CBR4: variants seen among roughly 807,000 people sequenced by gnomAD.
The protein encoded by CBR4 is carbonyl reductase 4, also known as 3-oxoacyl-[acyl-carrier-protein] reductase.
In CBR4, 22 loss-of-function variants were observed where a neutral mutation model predicts 21.0. The ratio of observed to expected loss-of-function variants is 1.05; its 90% CI spans 0.75 to 1.50. The LOEUF (loss-of-function observed/expected upper bound fraction) is 1.50, where lower values mean the gene tolerates loss of function less well. CBR4 is among the 40% of genes most tolerant of loss of function. CBR4 has a pLI of 0.00. For missense variants in CBR4, 302 were observed against 286.3 expected (o/e 1.05, Z -0.40); for synonymous variants, 100 against 104.4 (o/e 0.96, Z 0.26).
In CBR4 at chr4:168,926,475, T is replaced by C. The variant is rs574708074; in HGVS notation, n.170-31710A>G. 2.5e-5 allele frequency: 21 copies of C among 827,472 alleles called. No homozygotes were observed. The South Asian group carries it at 4.1e-4, about 16-fold the overall frequency. 51.3% of individuals were successfully genotyped at this position (827,472 alleles called of 1,614,324 possible). On this transcript the variant is annotated intron_variant and non_coding_transcript_variant, in intron 2 of 3. Coordinates refer to the CBR4 transcript ENST00000509108. ...TCACATTATGTAAAAGGCAGAAACA[T>C]ACCTTTGACTATAAGAAATTAAAAA... is the stretch of plus-strand genomic sequence containing the variant.
At chr4:168,942,177 G>A (rs898165470) in intron 2 of CBR4, among the ~76,000 whole-genome samples, 8 of 150,516 alleles carry the variant, frequency 5.3e-5, no homozygotes, top group East Asian at 3.9e-4. Flanking sequence ...AATGGGAGTC[G>A]AACAATAAGA....
intron 2 of CBR4, among the ~76,000 whole-genome samples, chr4:168,923,921 A>G (rs1208629591): frequency 1.3e-5 from 1 of 76,492 alleles, no homozygotes; most frequent in African/African-American, 3.2e-5. Context: ...ATGATCGGTA[A>G]CATAATCACT....
chr4:169,007,826 A>G lies in CBR4; in HGVS notation c.143-70T>C, dbSNP rs529911073. 7.0e-5 allele frequency: 82 copies of G among 1,164,172 alleles called. 2 individuals carry two copies. The South Asian group carries it at 1.1e-3, about 16-fold the overall frequency. The allele number at this position is 1,164,172 out of a possible 1,614,324, so 72.1% of individuals were successfully genotyped here. A position where few individuals can be genotyped will look rare whatever the true frequency, so the allele number is the denominator to read the frequency against. The stretch of plus-strand genomic sequence containing the variant: ...AAATTTACTCAATACACATTTGTTA[A>G]GCATCTATCTAAGATGGCAGGCCTG... On this transcript the variant is annotated intron_variant, in intron 1 of 4. Transcript: ENST00000306193.
intron 2 of CBR4, among the ~76,000 whole-genome samples, chr4:168,922,233 A>G: frequency 6.6e-6 from 1 of 152,100 alleles, no homozygotes; most frequent in East Asian, 1.9e-4. Context: ...TTGTGTAGGT[A>G]AATTCTGTAA....
chr4:168,902,923 C>G (rs1169158679), intron 2 of CBR4, among the ~76,000 whole-genome samples: 1 of 152,044 alleles, frequency 6.6e-6, no homozygotes, highest in Non-Finnish European at 1.5e-5. Context: ...AGACATGCAC[C>G]ACCACACCCA....
At chr4:169,009,907 A>C (rs1191360638) in intron 1 of CBR4, 41 bp downstream of exon 1, 11 of 1,578,216 alleles carry the variant, frequency 7.0e-6, no homozygotes, top group Non-Finnish European at 9.5e-6. Context: ...AGGCGCCTGG[A>C]CCGCGGCCAT....
intron 3 of CBR4, among the ~76,000 whole-genome samples, chr4:169,003,941 G>A (rs1730677525): frequency 6.6e-6 from 1 of 152,196 alleles, no homozygotes; most frequent in East Asian, 1.9e-4. Flanking sequence ...TCTGGGGACT[G>A]TTGTGGGGTG....
intron 2 of CBR4, among the ~76,000 whole-genome samples, chr4:168,906,273 C>A (rs1490792054): frequency 6.6e-6 from 1 of 152,134 alleles, no homozygotes; most frequent in Non-Finnish European, 1.5e-5. Context: ...TTGGAATAAG[C>A]CATTTTATAG....
chr4:168,966,756 C>T (rs571804891), intron 2 of CBR4, among the ~76,000 whole-genome samples: 12 of 152,156 alleles, frequency 7.9e-5, no homozygotes, highest in Admixed American at 1.3e-4. Flanking sequence ...CAGTGGCTCA[C>T]GCCTGTAATC....
At position 169,009,954 on chromosome 4, in the gene CBR4, G is replaced by T; in HGVS notation, c.136C>A (p.Leu46Ile). 1 of 1,611,522 alleles carries T rather than the reference G, an allele frequency of 6.2e-7. No homozygotes were observed. The highest frequency in any genetic ancestry group is 8.5e-7 in the Non-Finnish European group (1 of 1,179,142). ...ACTCCAGTTTGGTACCTACCGCCGAGGTCACCGGCGGCGGCTTTGGCCCCT... is the reference window on the plus strand; with the variant it reads ...ACTCCAGTTTGGTACCTACCGCCGATGTCACCGGCGGCGGCTTTGGCCCCT... ...LEGAKAAAGD[L>I]GGDHLAFSCD... Residue 46 changes from leucine to isoleucine, a missense_variant, in exon 1 of 5, where the codon CTC becomes ATC. Physicochemically the swap from Leu to Ile is conservative, Grantham distance 5 (BLOSUM62 2). Coordinates refer to ENST00000306193, the MANE Select transcript of CBR4 (RefSeq NM_032783.5).
chr4:168,923,595 T>TG (rs1762003997), intron 2 of CBR4, among the ~76,000 whole-genome samples: 1 of 151,864 alleles, frequency 6.6e-6, no homozygotes, highest in Non-Finnish European at 1.5e-5. Context: ...TCTTTTTTTT[T>TG]TAATGGGTTC....
intron 3 of CBR4, among the ~76,000 whole-genome samples, chr4:169,003,183 G>A (rs1395001178): frequency 6.6e-6 from 1 of 152,170 alleles, no homozygotes; most frequent in South Asian, 2.1e-4. Context: ...AGGAATCTGG[G>A]CAAAGTAAAT....
Position 168,927,126 on chromosome 4 carries a change from C to A in CBR4, n.170-32361G>T, listed in dbSNP as rs76997292. The A allele has an allele frequency of 2.9e-3, 668 of 226,476 alleles. 15 individuals carry two copies. In the East Asian group the frequency reaches 0.04, roughly 14 times the overall value. The allele number at this position is 226,476 out of a possible 1,614,324, so 14.0% of individuals were successfully genotyped here. On this transcript the variant is annotated intron_variant and non_coding_transcript_variant, in intron 2 of 3. Transcript: ENST00000509108. ...CTCTGAATAAAGCAGAAATATATTA[C>A]AGTTCATTCCACAGAAAGCATCCAA...
At chr4:168,969,289 T>C (rs539291675) in intron 2 of CBR4, among the ~76,000 whole-genome samples, 4 of 152,202 alleles carry the variant, frequency 2.6e-5, no homozygotes, top group Non-Finnish European at 5.9e-5. Context: ...ATCAGAGAAC[T>C]GGTCCAAGTC....
chr4:168,915,645 C>T (rs1265338313), intron 2 of CBR4, among the ~76,000 whole-genome samples: 5 of 151,626 alleles, frequency 3.3e-5, no homozygotes, highest in African/African-American at 9.7e-5. Context: ...TATGTAATAC[C>T]CCATTTTTTT....
At chr4:168,972,657 T>C (rs1021114684) in intron 2 of CBR4, among the ~76,000 whole-genome samples, 1 of 152,216 alleles carries the variant, frequency 6.6e-6, no homozygotes, top group African/African-American at 2.4e-5. Context: ...CTGAGTTCAT[T>C]ATCAGATCTA....
intron 2 of CBR4, chr4:168,913,984 A>T: frequency 6.2e-7 from 1 of 1,612,568 alleles, no homozygotes; most frequent in South Asian, 1.1e-5. Context: ...AAGAGGTCGA[A>T]GTCCCCGGTC....
Position 169,010,119 on chromosome 4 carries a change from G to A in CBR4, c.-30C>T. On this transcript the variant is annotated 5_prime_UTR_variant, in exon 1 of 5. Coordinates refer to ENST00000306193, the MANE Select transcript of CBR4 (RefSeq NM_032783.5). ...GAGTCACAAACTCGGAGGAAAGAGGGTAGGGAGTGGGAGCCCCTCTCCAGG... is the reference window on the plus strand; with the variant it reads ...GAGTCACAAACTCGGAGGAAAGAGGATAGGGAGTGGGAGCCCCTCTCCAGG... The A allele has an allele frequency of 6.4e-7, 1 of 1,572,920 alleles. No homozygotes were observed. Among genetic ancestry groups the A allele is most frequent in the Non-Finnish European group, 8.6e-7 (1 of 1,156,386 alleles).
At chr4:168,912,005 T>G (rs1759067848) in intron 2 of CBR4, among the ~76,000 whole-genome samples, 1 of 152,162 alleles carries the variant, frequency 6.6e-6, no homozygotes, top group African/African-American at 2.4e-5. Context: ...TCTGGGTGGT[T>G]ATAGCCCTAA....
Sources: allele counts gnomAD v4.1 joint callset (sites outside exome capture counted in the v4.1 genomes callset), GRCh38; gene constraint gnomAD v4.1.1; transcripts MANE v1.5; gene names NCBI Gene and HGNC (gene_info 2026-07-23, HGNC 2026-07-21).